Variants in KLHL3 observed in about 807,000 individuals in gnomAD.
KLHL3 encodes the protein kelch-like protein 3.
KLHL3 carries 19 observed loss-of-function variants against 70.5 expected under a neutral mutation model. That is an observed-to-expected ratio of 0.27 (90% CI 0.19 to 0.40). The LOEUF (loss-of-function observed/expected upper bound fraction) is 0.40. Ranked by LOEUF, KLHL3 falls within the 10% of genes least tolerant of loss-of-function variation. The pLI, the probability that KLHL3 is intolerant of heterozygous loss-of-function variation, is 1.00. For missense variants in KLHL3, 512 were observed against 771.1 expected (o/e 0.66, Z 3.98); for synonymous variants, 258 against 290.3 (o/e 0.89, Z 1.13).
rs58918247 is a variant in KLHL3, at chr5:137,627,488, C to CCCCCG, written c.1591+808_1591+809insCGGGG. Reference sequence around the variant, plus strand: ...TAGTAAATATCACCACCCCCCCCCCCGGTTTACACTTCCAAGTCAGCCACG... The same window carrying CCCCCG: ...TAGTAAATATCACCACCCCCCCCCCCCCCCGGGTTTACACTTCCAAGTCAGCCACG... On this transcript the variant is annotated intron_variant, in intron 13 of 14. Coordinates refer to ENST00000309755, the MANE Select transcript of KLHL3 (RefSeq NM_017415.3). 1.9e-4 allele frequency among the ~76,000 whole-genome samples: 18 copies of CCCCCG among 92,388 alleles called. 1 individual carries two copies. Among genetic ancestry groups the CCCCCG allele is most frequent in the South Asian group, 4.2e-4 (1 of 2,386 alleles). The allele number at this position is 92,388 out of a possible 152,430, so 60.6% of individuals were successfully genotyped here. A position where few individuals can be genotyped will look rare whatever the true frequency, so the allele number is the denominator to read the frequency against.
intron 2 of KLHL3, among the ~76,000 whole-genome samples, chr5:137,710,801 A>G (rs1325623615): frequency 2.0e-5 from 3 of 152,174 alleles, no homozygotes; most frequent in African/African-American, 7.2e-5. Context: ...ATATTACTTC[A>G]TCCTCTCTAC....
chr5:137,689,637 T>C (rs1025546791), intron 5 of KLHL3, among the ~76,000 whole-genome samples: 1 of 152,130 alleles, frequency 6.6e-6, no homozygotes, highest in Non-Finnish European at 1.5e-5. Flanking sequence ...CCTATGGACA[T>C]AAAGATGGGA....
rs370132753 is a variant in KLHL3 at position 137,698,371 on chromosome 5, G to C, written c.279C>G (p.Ile93Met). 1 of 1,614,132 alleles carries C rather than the reference G, an allele frequency of 6.2e-7. No homozygotes were observed. Among genetic ancestry groups the C allele is most frequent in the East Asian group, 2.2e-5 (1 of 44,894 alleles). The change falls in exon 4 of 15, where the codon ATC becomes ATG. Residue 93 changes from isoleucine to methionine, a missense_variant. Coordinates refer to ENST00000309755, the MANE Select transcript of KLHL3 (RefSeq NM_017415.3). Reference sequence around the variant, plus strand: ...TCAGCGTCTGCCCATCCACGTCCTTGATTTCTATCTTTTTGGCTTTACTCT... The same window carrying C: ...TCAGCGTCTGCCCATCCACGTCCTTCATTTCTATCTTTTTGGCTTTACTCT... ...MSESKAKKIE[I>M]KDVDGQTLSK... is the part of the protein sequence containing the mutation.
intron 8 of KLHL3, among the ~76,000 whole-genome samples, chr5:137,640,745 T>C (rs1750894715): frequency 6.6e-6 from 1 of 151,646 alleles, no homozygotes; most frequent in South Asian, 2.1e-4. Context: ...CCCCCCCAAC[T>C]CCTGCTCTAG....
intron 5 of KLHL3, among the ~76,000 whole-genome samples, chr5:137,684,218 T>C (rs559372296): frequency 6.6e-6 from 1 of 152,352 alleles, no homozygotes; most frequent in South Asian, 2.1e-4. Context: ...ATAACTCTTA[T>C]ACTTAAATGA....
chr5:137,706,131 C>T (rs1229193163), intron 3 of KLHL3: 4 of 985,250 alleles, frequency 4.1e-6, no homozygotes, highest in African/African-American at 3.5e-5. Context: ...CACCTCAGGA[C>T]ATTTGGGCAA....
chr5:137,668,325 C>T lies in KLHL3; in HGVS notation c.637-6294G>A, dbSNP rs190532978. Among the ~76,000 whole-genome samples, 27 of 152,224 alleles carry T rather than the reference C, an allele frequency of 1.8e-4. 1 individual carries two copies. The East Asian group carries it at 5.2e-3, about 29-fold the overall frequency. On this transcript the variant is annotated intron_variant, in intron 6 of 14. Coordinates refer to ENST00000309755, the MANE Select transcript of KLHL3 (RefSeq NM_017415.3). ...ACTCAGAAGGCTGAGGCAGGAAAAT[C>T]GCTTGAACCCAGGAGGCGGACGTTG...
rs1022813272 is a variant in KLHL3 at position 137,694,275 on chromosome 5, C to A, written c.364-1828G>T. 3.4e-4 allele frequency among the ~76,000 whole-genome samples: 51 copies of A among 152,216 alleles called. 1 individual carries two copies. The highest frequency in any genetic ancestry group is 1.2e-3 in the African/African-American group (49 of 41,456). ...TTCCTCCATCCTCTCTTCCACTATC[C>A]TATATCCCCAGCAGGAAAACAGTAA... On this transcript the variant is annotated intron_variant, in intron 4 of 14. Transcript: ENST00000309755.
intron 6 of KLHL3, among the ~76,000 whole-genome samples, chr5:137,676,280 G>A (rs552497061): frequency 6.6e-6 from 1 of 152,324 alleles, no homozygotes; most frequent in African/African-American, 2.4e-5. Flanking sequence ...CTCTGGACGT[G>A]TGAATACAAT....
intron 8 of KLHL3, among the ~76,000 whole-genome samples, chr5:137,652,683 G>A (rs1005049493): frequency 6.6e-6 from 1 of 152,210 alleles, no homozygotes; most frequent in Non-Finnish European, 1.5e-5. Flanking sequence ...CTGGGAAGAT[G>A]TTGACCAAAG....
chr5:137,728,005 C>G (rs772238226), intron 1 of KLHL3, among the ~76,000 whole-genome samples: 11 of 152,150 alleles, frequency 7.2e-5, no homozygotes, highest in Non-Finnish European at 1.6e-4. Context: ...CATCATATCA[C>G]TGTATAGTAT....
chr5:137,735,734 G>C lies in KLHL3; in HGVS notation c.-88C>G. The C allele has an allele frequency of 6.3e-7, 1 of 1,580,662 alleles. No homozygotes were observed. Among genetic ancestry groups the C allele is most frequent in the Non-Finnish European group, 8.7e-7 (1 of 1,149,602 alleles). On this transcript the variant is annotated 5_prime_UTR_variant, in exon 1 of 15. Transcript: ENST00000309755. ...TGTTCTTGATTCTCCCAGCAGACCA[G>C]TGGGAAATCTGATCAGCAACAGTGA...
intron 2 of KLHL3, among the ~76,000 whole-genome samples, chr5:137,715,762 C>T (rs890769765): frequency 6.6e-6 from 1 of 152,168 alleles, no homozygotes; most frequent in African/African-American, 2.4e-5. Context: ...CTGTTCAAAT[C>T]AGCAATTCTA....
Position 137,622,265 on chromosome 5 carries a change from C to T in KLHL3, c.1736-139G>A, listed in dbSNP as rs373203923. 9.9e-6 allele frequency: 10 copies of T among 1,006,746 alleles called. No individual in the cohort carries two copies. The African/African-American group carries it at 1.3e-4, about 13-fold the overall frequency. The allele number at this position is 1,006,746 out of a possible 1,614,324, so 62.4% of individuals were successfully genotyped here. On this transcript the variant is annotated intron_variant, in intron 14 of 14. Transcript: ENST00000309755. ...ATTTTTATCCTAATATTGAAGTGGA[C>T]TCAGGCTGCTAGCAGCTGGCTGTTC... is the stretch of plus-strand genomic sequence containing the variant.
intron 14 of KLHL3, among the ~76,000 whole-genome samples, chr5:137,623,497 C>CT (rs1347476993): frequency 1.3e-5 from 2 of 152,034 alleles, no homozygotes; most frequent in African/African-American, 4.8e-5. Context: ...CAGAAGGTAG[C>CT]TTTTTTTTCT....
Position 137,658,121 on chromosome 5 carries a change from T to G in KLHL3, c.903+10A>C. The G allele has an allele frequency of 6.2e-7, 1 of 1,609,396 alleles. No homozygotes were observed. The highest frequency in any genetic ancestry group is 2.2e-5 in the East Asian group (1 of 44,870). The stretch of plus-strand genomic sequence containing the variant: ...TCCTGACTCTTGGTGGTGATTGGGC[T>G]GGGGCTTACCTTGGGAAGGCTGACT... On this transcript the variant is annotated intron_variant, in intron 8 of 14. Transcript: ENST00000309755.
At chr5:137,733,708 C>T (rs2149941322) in intron 1 of KLHL3, among the ~76,000 whole-genome samples, 1 of 152,234 alleles carries the variant, frequency 6.6e-6, no homozygotes, top group Non-Finnish European at 1.5e-5. Context: ...GAAAGACATC[C>T]AGCAAAAGAA....
At position 137,724,470 on chromosome 5, in the gene KLHL3, T is replaced by G. The variant is rs114659074; in HGVS notation, c.15-3886A>C. Reference sequence around the variant, plus strand: ...TATCCCCTGTTGTGTTTACCAATGTTGTGTTTACCAAAAGGTCTCAAACAC... The same window carrying G: ...TATCCCCTGTTGTGTTTACCAATGTGGTGTTTACCAAAAGGTCTCAAACAC... On this transcript the variant is annotated intron_variant, in intron 1 of 14. Transcript: ENST00000309755. Among the ~76,000 whole-genome samples the G allele has an allele frequency of 1.5e-3, 230 of 152,374 alleles. 1 individual carries two copies. The highest frequency in any genetic ancestry group is 2.0e-3 in the Non-Finnish European group (139 of 68,032).
chr5:137,671,015 A>G (rs1303011746), intron 6 of KLHL3, among the ~76,000 whole-genome samples: 1 of 151,898 alleles, frequency 6.6e-6, no homozygotes, highest in Non-Finnish European at 1.5e-5. Context: ...AAACACCTAT[A>G]AACATCTTGT....
Sources: gnomAD v4.1 joint callset for allele counts (sites outside exome capture counted in the v4.1 genomes callset) on GRCh38, gnomAD v4.1.1 for gene constraint, MANE v1.5 for transcripts, NCBI Gene and HGNC (gene_info 2026-07-23, HGNC 2026-07-21) for gene names.